Variants in SETX observed in about 807,000 individuals in gnomAD.
SETX encodes the protein helicase senataxin.
SETX carries 90 observed loss-of-function variants against 227.2 expected under a neutral mutation model. The ratio of observed to expected loss-of-function variants is 0.40; its 90% CI spans 0.33 to 0.47. The LOEUF (loss-of-function observed/expected upper bound fraction) is 0.47, where lower values mean the gene tolerates loss of function less well. Ranked by LOEUF, SETX falls within the 20% of genes least tolerant of loss-of-function variation. SETX has a pLI of 0.91. For synonymous variants in SETX, 1,210 were observed against 1,113.2 expected (o/e 1.09, Z -1.73); for missense variants, 3,052 against 3,181.5 (o/e 0.96, Z 0.98).
At chr9:132,331,823 ATCC>A (rs958403701) in intron 7 of SETX, among the ~76,000 whole-genome samples, 5 of 152,314 alleles carry the variant, frequency 3.3e-5, no homozygotes, top group African/African-American at 1.2e-4. Flanking sequence ...TTGTAGTCCC[ATCC>A]TCCAATAACT....
intron 25 of SETX, among the ~76,000 whole-genome samples, chr9:132,267,823 G>A (rs1842719915): frequency 6.6e-6 from 1 of 152,176 alleles, no homozygotes; most frequent in African/African-American, 2.4e-5. Context: ...GGGCTGCCCT[G>A]CCTCCTGCAC....
rs111689250 is a variant in SETX at position 132,283,065 on chromosome 9, C to T, written c.6546+199G>A. 198 of 654,280 alleles carry T rather than the reference C, an allele frequency of 3.0e-4. No individual in the cohort carries two copies. In the African/African-American group the frequency reaches 3.2e-3, roughly 11 times the overall value. 40.5% of individuals were successfully genotyped at this position (654,280 alleles called of 1,614,324 possible). A position where few individuals can be genotyped will look rare whatever the true frequency, so the allele number is the denominator to read the frequency against. On this transcript the variant is annotated intron_variant, in intron 19 of 25. Coordinates refer to ENST00000224140, the MANE Select transcript of SETX (RefSeq NM_015046.7). ...ATCAGTCATCCTCAAGACTAACCCC[C>T]AATACTGGAAAATCCACTTTCACTA...
chr9:132,341,330 C>T (rs773322796), intron 5 of SETX, among the ~76,000 whole-genome samples: 2 of 152,136 alleles, frequency 1.3e-5, no homozygotes, highest in Non-Finnish European at 2.9e-5. Flanking sequence ...TAGAGTTAAA[C>T]CTAGAGAAAG....
intron 5 of SETX, among the ~76,000 whole-genome samples, chr9:132,339,849 A>G (rs901144386): frequency 2.0e-5 from 3 of 152,260 alleles, no homozygotes; most frequent in African/African-American, 7.2e-5. Flanking sequence ...TCCTGGCCTC[A>G]GGTGATCCGC....
Position 132,327,805 on chromosome 9 carries a change from T to C in SETX, c.3793A>G (p.Thr1265Ala), listed in dbSNP as rs956812554. ...TTCTTTGGCGGCACTATAGCAGGAG[T>C]TGTTCTACAACTTAGGTAATTTGAA... ...RSSNYLSCRT[T>A]PAIVPPKKFR... Residue 1265 changes from threonine to alanine, a missense_variant, in exon 10 of 26, where the codon ACT becomes GCT. Physicochemically the swap from Thr to Ala is moderately conservative, Grantham distance 58. Transcript: ENST00000224140. 10 of 1,613,846 alleles carry C rather than the reference T, an allele frequency of 6.2e-6. No homozygotes were observed. The Admixed American group carries it at 8.3e-5, about 13-fold the overall frequency.
intron 20 of SETX, among the ~76,000 whole-genome samples, chr9:132,279,685 A>T (rs951525650): frequency 5.9e-5 from 9 of 152,254 alleles, no homozygotes; most frequent in Non-Finnish European, 1.3e-4. Flanking sequence ...CTAAATCCTC[A>T]AAAGTTTATC....
chr9:132,348,877 G>A lies in SETX; in HGVS notation c.177+375C>T, dbSNP rs140542351. The stretch of plus-strand genomic sequence containing the variant: ...CAGAAGGTTGAGGCTGCAGTGAACC[G>A]TGATCGCACCACTGCACTTCCAGCC... On this transcript the variant is annotated intron_variant, in intron 3 of 25. Coordinates refer to ENST00000224140, the MANE Select transcript of SETX (RefSeq NM_015046.7). Among the ~76,000 whole-genome samples the A allele has an allele frequency of 6.9e-3, 1,049 of 152,214 alleles. 4 individuals carry two copies. Among genetic ancestry groups the A allele is most frequent in the Non-Finnish European group, 0.011 (744 of 68,008 alleles).
Position 132,261,968 on chromosome 9 carries a change from C to T in SETX, c.*2271G>A, listed in dbSNP as rs1028329544. Reference sequence around the variant, plus strand: ...CTGACAGCCACATCAGGAGGGGCCACGGTGAACATAGGAAATGGCTTTGGC... The same window carrying T: ...CTGACAGCCACATCAGGAGGGGCCATGGTGAACATAGGAAATGGCTTTGGC... On this transcript the variant is annotated 3_prime_UTR_variant, in exon 26 of 26. Transcript: ENST00000224140. 2 of 154,392 alleles carry T rather than the reference C, an allele frequency of 1.3e-5. No individual in the cohort carries two copies. The highest frequency in any genetic ancestry group is 4.8e-5 in the African/African-American group (2 of 41,520). The allele number at this position is 154,392 out of a possible 1,614,324, so 9.6% of individuals were successfully genotyped here.
intron 6 of SETX, among the ~76,000 whole-genome samples, chr9:132,335,235 A>AAAC (rs1847531604): frequency 6.7e-6 from 1 of 149,712 alleles, no homozygotes; most frequent in Non-Finnish European, 1.5e-5. Flanking sequence ...CTAAAAATAC[A>AAAC]AAAAAATTAG....
chr9:132,337,520 C>T (rs1272436796), intron 5 of SETX, among the ~76,000 whole-genome samples: 1 of 151,308 alleles, frequency 6.6e-6, no homozygotes, highest in East Asian at 1.9e-4. Flanking sequence ...ATTATATAGG[C>T]ATATGCATAC....
Position 132,330,134 on chromosome 9 carries a change from G to T in SETX, c.1464C>A (p.Ala488=). ...LWVSSQQWVE[A]VVKCAKLPTT... The stretch of plus-strand genomic sequence containing the variant: ...TAGGAAGCTTGGCACATTTGACGAC[G>T]GCTTCCACCCATTGCTGGGAACTTA... The change falls in exon 10 of 26, where the codon GCC becomes GCA. Residue 488 remains alanine (A), a synonymous_variant. Transcript: ENST00000224140. The T allele has an allele frequency of 6.2e-7, 1 of 1,612,176 alleles. No homozygotes were observed. The highest frequency in any genetic ancestry group is 8.5e-7 in the Non-Finnish European group (1 of 1,178,424).
rs1162060013 is a variant in SETX, at chr9:132,326,853, G to A, written c.4745C>T (p.Pro1582Leu). 3 of 1,614,208 alleles carry A rather than the reference G, an allele frequency of 1.9e-6. No individual in the cohort carries two copies. The highest frequency in any genetic ancestry group is 2.5e-6 in the Non-Finnish European group (3 of 1,180,046). ...TTTAGATGCAGGAGGAGGCAAGCCA[G>A]GTTTACGAAATACATCTTCATCTGC... ...KAADEDVFRKPGLPPPASKPL... is the reference protein window; with the variant it reads ...KAADEDVFRKLGLPPPASKPL... Residue 1582 changes from proline (P) to leucine (L), a missense_variant, in exon 10 of 26, where the codon CCT (proline) becomes CTT (leucine). Pro to Leu is a moderately conservative substitution (Grantham distance 98). Coordinates refer to ENST00000224140, the MANE Select transcript of SETX (RefSeq NM_015046.7).
Position 132,336,429 on chromosome 9 carries a change from G to A in SETX, c.585C>T (p.Cys195=), listed in dbSNP as rs1271006513. The change falls in exon 6 of 26, where the codon TGC becomes TGT. Residue 195 remains cysteine, a synonymous_variant. Transcript: ENST00000224140. The part of the protein sequence containing the change: ...DYYDLQEVLL[C]LFKVIELGLL... ...GCCCCAACTCAATGACTTTAAAAAG[G>A]CAAAGTAAAACTTCTTGTAAGTCAT... 6 of 1,613,840 alleles carry A rather than the reference G, an allele frequency of 3.7e-6. No individual in the cohort carries two copies. The highest frequency in any genetic ancestry group is 5.1e-6 in the Non-Finnish European group (6 of 1,179,896).
chr9:132,275,300 C>T lies in SETX; in HGVS notation c.7056G>A (p.Lys2352=). The T allele has an allele frequency of 6.2e-7, 1 of 1,614,152 alleles. No homozygotes were observed. Among genetic ancestry groups the T allele is most frequent in the Non-Finnish European group, 8.5e-7 (1 of 1,180,020 alleles). Reference sequence around the variant, plus strand: ...TGTCCAAATCCTTCTGAATCATCGTCTTCTGGGCCTTGTAATGAGTTATTA... The same window carrying T: ...TGTCCAAATCCTTCTGAATCATCGTTTTCTGGGCCTTGTAATGAGTTATTA... ...IGIITHYKAQ[K]TMIQKDLDKE... is the part of the protein sequence containing the mutation. The change falls in exon 23 of 26, where the codon AAG becomes AAA. Residue 2352 remains lysine, a synonymous_variant. Coordinates refer to ENST00000224140, the MANE Select transcript of SETX (RefSeq NM_015046.7).
chr9:132,296,291 G>A (rs1264677197), intron 14 of SETX, among the ~76,000 whole-genome samples: 3 of 152,162 alleles, frequency 2.0e-5, no homozygotes, highest in Non-Finnish European at 4.4e-5. Context: ...AGTGGCTCAC[G>A]CCTGTAATCC....
At chr9:132,289,611 T>C (rs569076128) in intron 15 of SETX, among the ~76,000 whole-genome samples, 9 of 152,316 alleles carry the variant, frequency 5.9e-5, no homozygotes, top group African/African-American at 2.2e-4. Context: ...TTATATGTTA[T>C]ATATTAATAT....
At chr9:132,265,062 T>C in intron 25 of SETX, 77 bp from the exon 26 acceptor site, 1 of 1,527,370 alleles carries the variant, frequency 6.5e-7, no homozygotes, top group Admixed American at 1.7e-5. Flanking sequence ...CCAGCTTTCA[T>C]TTCTGAACAA....
At chr9:132,278,350 T>C (rs1843290064) in intron 20 of SETX, 93 bp from the exon 21 acceptor site, 2 of 1,271,426 alleles carry the variant, frequency 1.6e-6, no homozygotes, top group Admixed American at 1.8e-5. Context: ...AATACGTATA[T>C]GGCAACGTTC....
chr9:132,349,134 A>C, intron 3 of SETX, 118 bp downstream of exon 3: 1 of 1,071,496 alleles, frequency 9.3e-7, no homozygotes, highest in Non-Finnish European at 1.4e-6. Flanking sequence ...AACAAAAAAA[A>C]AAACCCACAA....
Sources: allele counts gnomAD v4.1 joint callset (sites outside exome capture counted in the v4.1 genomes callset), GRCh38; gene constraint gnomAD v4.1.1; transcripts MANE v1.5; gene names NCBI Gene and HGNC (gene_info 2026-07-23, HGNC 2026-07-21).